PLCE1: variants seen among roughly 807,000 people sequenced by gnomAD.
PLCE1 encodes 1-phosphatidylinositol 4,5-bisphosphate phosphodiesterase epsilon-1.
PLCE1 carries 119 observed loss-of-function variants against 242.8 expected under a neutral mutation model. The ratio of observed to expected loss-of-function variants is 0.49; its 90% CI spans 0.42 to 0.57. The LOEUF (loss-of-function observed/expected upper bound fraction) is 0.57. Among genes scored for constraint, PLCE1 ranks in the 20% least tolerant of loss-of-function variants. PLCE1 has a pLI of 0.00. For synonymous variants in PLCE1, 945 were observed against 1,017.4 expected (o/e 0.93, Z 1.35); for missense variants, 2,441 against 2,788.8 (o/e 0.88, Z 2.81).
intron 1 of PLCE1, among the ~76,000 whole-genome samples, chr10:93,997,802 G>A (rs777907939): frequency 1.6e-4 from 25 of 152,260 alleles, no homozygotes; most frequent in Non-Finnish European, 3.2e-4. Context: ...TGTTTAGCTT[G>A]CCCCTTTCCA....
rs575908537 is a variant in PLCE1 at position 94,132,378 on chromosome 10, C to A, written c.1411C>A (p.Leu471Ile). 1 of 1,614,136 alleles carries A rather than the reference C, an allele frequency of 6.2e-7. No homozygotes were observed. Among genetic ancestry groups the A allele is most frequent in the African/African-American group, 1.3e-5 (1 of 75,046 alleles). Residue 471 changes from leucine to isoleucine, a missense_variant, in exon 3 of 33, where the codon CTA becomes ATA. Leu to Ile is a conservative substitution (Grantham distance 5). Coordinates refer to ENST00000371380, the MANE Select transcript of PLCE1 (RefSeq NM_016341.4). ...ATCGCAGTACATCACCGGTTCTCTC[C>A]TAGAAGCAACCACGTCTTTGGGAGC... ...SISQYITGSL[L>I]EATTSLGARS...
intron 3 of PLCE1, among the ~76,000 whole-genome samples, chr10:94,170,473 C>T (rs975069218): frequency 1.3e-5 from 2 of 152,236 alleles, no homozygotes; most frequent in East Asian, 3.8e-4. Flanking sequence ...ATCTCATGAA[C>T]TGCCACCTTC....
chr10:94,079,368 A>G (rs914913583), intron 2 of PLCE1, among the ~76,000 whole-genome samples: 1 of 152,068 alleles, frequency 6.6e-6, no homozygotes, highest in African/African-American at 2.4e-5. Context: ...ATTGAGTTAT[A>G]TTTATTTCTT....
At chr10:94,061,741 C>T (rs2044061886) in intron 2 of PLCE1, among the ~76,000 whole-genome samples, 1 of 151,822 alleles carries the variant, frequency 6.6e-6, no homozygotes, top group Non-Finnish European at 1.5e-5. Flanking sequence ...TTCTGTCTAC[C>T]TTTTGTTCAG....
intron 29 of PLCE1, among the ~76,000 whole-genome samples, chr10:94,317,335 G>C (rs1010936223): frequency 6.6e-6 from 1 of 152,074 alleles, no homozygotes; most frequent in Non-Finnish European, 1.5e-5. Flanking sequence ...TACCTTATAA[G>C]ATAAAGGAAG....
Position 94,235,956 on chromosome 10 carries a change from A to C in PLCE1, c.2256A>C (p.Arg752=). ...DYSGQDNFLQ[R]VGQNGLKNSE... is the part of the protein sequence containing the mutation. ...GTGGACAAGATAATTTCTTACAACG[A>C]GTGGGACAAAATGGCTTAAAGAATT... Residue 752 remains arginine (R), a synonymous_variant, in exon 7 of 33, where the codon CGA becomes CGC. Coordinates refer to ENST00000371380, the MANE Select transcript of PLCE1 (RefSeq NM_016341.4). The C allele has an allele frequency of 6.2e-7, 1 of 1,614,108 alleles. No homozygotes were observed.
In PLCE1 at chr10:94,142,319, C is replaced by T. The variant is rs532690551; in HGVS notation, c.1492+9860C>T. ...ATCACGTTAGGCCAGGAGTTCAAGA[C>T]GAGTGTAGGCAACATGGCGTGATGC... is the stretch of plus-strand genomic sequence containing the variant. On this transcript the variant is annotated intron_variant, in intron 3 of 32. Transcript: ENST00000371380. Among the ~76,000 whole-genome samples the T allele has an allele frequency of 7.2e-5, 10 of 139,340 alleles. No homozygotes were observed. The South Asian group carries it at 9.2e-4, about 13-fold the overall frequency. 91.4% of individuals were successfully genotyped at this position (139,340 alleles called of 152,430 possible).
In PLCE1 at chr10:94,292,889, T is replaced by C. The variant is rs201336355; in HGVS notation, c.5036-619T>C. 3.3e-5 allele frequency among the ~76,000 whole-genome samples: 5 copies of C among 152,218 alleles called. No homozygotes were observed. The East Asian group carries it at 9.6e-4, about 29-fold the overall frequency. On this transcript the variant is annotated intron_variant, in intron 22 of 32. Transcript: ENST00000371380. The stretch of plus-strand genomic sequence containing the variant: ...CATTTCCTCTTTCAGCAAATATGTA[T>C]TCAGTTCCTGCTCTGCACCAGGCAC...
In PLCE1 at chr10:94,132,276, A is replaced by C; in HGVS notation, c.1309A>C (p.Ser437Arg). ...PASETAHGRI[S>R]VGPCLKQCVR... is the part of the protein sequence containing the mutation. ...CTCCGAGACAGCCCATGGAAGGATA[A>C]GCGTTGGTCCATGCTTAAAGCAATG... The change falls in exon 3 of 33, where the codon AGC (serine) becomes CGC (arginine). Residue 437 changes from serine to arginine, a missense_variant. Physicochemically the swap from Ser to Arg is moderately radical, Grantham distance 110. Around this residue, in one of 5 missense-constraint regions of PLCE1, gnomAD observed 733 missense variants for 754.2 expected, o/e 0.97. Coordinates refer to ENST00000371380, the MANE Select transcript of PLCE1 (RefSeq NM_016341.4). 6.2e-7 allele frequency: 1 copy of C among 1,613,988 alleles called. No homozygotes were observed. Among genetic ancestry groups the C allele is most frequent in the Non-Finnish European group, 8.5e-7 (1 of 1,179,978 alleles).
chr10:94,197,411 C>T (rs1253114771), intron 4 of PLCE1, among the ~76,000 whole-genome samples: 1 of 152,154 alleles, frequency 6.6e-6, no homozygotes, highest in African/African-American at 2.4e-5. Context: ...TGCCAAACTG[C>T]TCCAAAGTGT....
chr10:94,150,810 G>T (rs1018756726), intron 3 of PLCE1, among the ~76,000 whole-genome samples: 1 of 152,130 alleles, frequency 6.6e-6, no homozygotes, highest in East Asian at 1.9e-4. Context: ...ATGATATGAA[G>T]CCCTGGGGAG....
chr10:94,218,139 ACTTTT>A (rs774969454), intron 4 of PLCE1, among the ~76,000 whole-genome samples: 4 of 152,248 alleles, frequency 2.6e-5, no homozygotes, highest in African/African-American at 9.6e-5. Flanking sequence ...GCTTTAACAC[ACTTTT>A]CTTTTAATGT....
chr10:94,160,571 C>T (rs944036378), intron 3 of PLCE1, among the ~76,000 whole-genome samples: 28 of 152,208 alleles, frequency 1.8e-4, no homozygotes, highest in African/African-American at 6.7e-4. Flanking sequence ...CTGCAGGTTG[C>T]CTGTTCACTC....
chr10:94,227,093 T>G, intron 4 of PLCE1: 1 of 509,466 alleles, frequency 2.0e-6, no homozygotes, highest in Non-Finnish European at 3.6e-6. Flanking sequence ...GCCAGGCTGG[T>G]CTCAAACTCC....
intron 5 of PLCE1, among the ~76,000 whole-genome samples, chr10:94,232,761 T>C (rs1000165047): frequency 2.6e-5 from 4 of 152,064 alleles, no homozygotes; most frequent in African/African-American, 4.8e-5. Flanking sequence ...TTGCACAGTA[T>C]CCCCTCCTGA....
intron 14 of PLCE1, among the ~76,000 whole-genome samples, chr10:94,263,533 AAAAG>A: frequency 6.6e-6 from 1 of 151,748 alleles, no homozygotes; most frequent in South Asian, 2.1e-4. Flanking sequence ...AAAAAAAAGA[AAAAG>A]AAAAATCAGC....
intron 2 of PLCE1, among the ~76,000 whole-genome samples, chr10:94,034,815 T>G (rs1469706830): frequency 6.6e-6 from 1 of 152,156 alleles, no homozygotes; most frequent in Non-Finnish European, 1.5e-5. Flanking sequence ...TTGGGAACCA[T>G]TGGCTAGGAG....
At chr10:94,223,331 T>C (rs2049825842) in intron 4 of PLCE1, among the ~76,000 whole-genome samples, 1 of 151,534 alleles carries the variant, frequency 6.6e-6, no homozygotes, top group Non-Finnish European at 1.5e-5. Context: ...AAAAGCCTAC[T>C]TTACCTCCCT....
chr10:94,235,412 T>C (rs774985213), intron 6 of PLCE1, among the ~76,000 whole-genome samples: 4 of 152,152 alleles, frequency 2.6e-5, no homozygotes, highest in African/African-American at 9.7e-5. Flanking sequence ...CCTAATCAAC[T>C]GTATGAACAA....
Sources: gnomAD v4.1 joint callset for allele counts (sites outside exome capture counted in the v4.1 genomes callset) on GRCh38, gnomAD v4.1.1 for gene constraint, gnomAD v4.1.1 regional missense constraint, MANE v1.5 for transcripts, NCBI Gene and HGNC (gene_info 2026-07-23, HGNC 2026-07-21) for gene names.